The following SGCZ variants were observed in gnomAD, a reference collection of about 807,000 sequenced individuals.
The protein encoded by SGCZ is sarcoglycan zeta.
SGCZ carries 40 observed loss-of-function variants against 41.3 expected under a neutral mutation model. That is an observed-to-expected ratio of 0.97 (90% CI 0.75 to 1.26). The LOEUF is 1.26. SGCZ is among the 50% of genes most tolerant of loss of function. The pLI is 0.00. For synonymous variants in SGCZ, 206 were observed against 137.5 expected (o/e 1.50, Z -3.49); for missense variants, 552 against 369.8 (o/e 1.49, Z -4.04).
chr8:14,489,802 A>T (rs1207112904), intron 2 of SGCZ, among the ~76,000 whole-genome samples: 1 of 151,526 alleles, frequency 6.6e-6, no homozygotes, highest in African/African-American at 2.4e-5. Context: ...GCCTAATCAC[A>T]TTGACTAACC....
intron 2 of SGCZ, among the ~76,000 whole-genome samples, chr8:14,550,271 T>C (rs1482843051): frequency 2.6e-5 from 4 of 151,442 alleles, no homozygotes; most frequent in East Asian, 1.9e-4. Context: ...AAAAACAATA[T>C]AATGGTTGAA....
intron 2 of SGCZ, among the ~76,000 whole-genome samples, chr8:14,490,396 C>A (rs970225032): frequency 3.9e-5 from 6 of 152,040 alleles, no homozygotes; most frequent in African/African-American, 1.4e-4. Flanking sequence ...TATGGACTTT[C>A]TTTGAATCCC....
At chr8:14,114,711 G>C (rs59398265) in intron 5 of SGCZ, among the ~76,000 whole-genome samples, 1 of 151,724 alleles carries the variant, frequency 6.6e-6, no homozygotes, top group South Asian at 2.1e-4. Flanking sequence ...GTACATTTCA[G>C]AAATAAGTTG....
At chr8:14,694,699 C>A (rs908030686) in intron 1 of SGCZ, among the ~76,000 whole-genome samples, 1 of 152,056 alleles carries the variant, frequency 6.6e-6, no homozygotes, top group South Asian at 2.1e-4. Flanking sequence ...AAAGAAATAA[C>A]CTTACTGTCA....
intron 6 of SGCZ, among the ~76,000 whole-genome samples, chr8:14,102,810 T>A (rs1266908775): frequency 6.6e-6 from 1 of 152,142 alleles, no homozygotes; most frequent in East Asian, 1.9e-4. Flanking sequence ...TCATGAAAAG[T>A]AGGGTGTGAT....
At chr8:14,682,891 T>G (rs1049491599) in intron 1 of SGCZ, among the ~76,000 whole-genome samples, 4 of 152,184 alleles carry the variant, frequency 2.6e-5, no homozygotes, top group Non-Finnish European at 1.5e-5. Context: ...GTTTAACCTT[T>G]TGTAAATAAC....
At chr8:14,381,781 G>C (rs1179026034) in intron 2 of SGCZ, among the ~76,000 whole-genome samples, 1 of 150,728 alleles carries the variant, frequency 6.6e-6, no homozygotes, top group African/African-American at 2.4e-5. Context: ...GCAAGACCCT[G>C]TCTCAAAAAA....
At chr8:14,774,120 T>A (rs1800330485) in intron 1 of SGCZ, among the ~76,000 whole-genome samples, 1 of 152,154 alleles carries the variant, frequency 6.6e-6, no homozygotes, top group Admixed American at 6.6e-5. Context: ...TAAAGCAGAC[T>A]GCCCTCCATA....
intron 1 of SGCZ, among the ~76,000 whole-genome samples, chr8:15,219,618 G>A (rs951406662): frequency 3.3e-5 from 5 of 152,144 alleles, no homozygotes; most frequent in African/African-American, 1.2e-4. Flanking sequence ...AATAGCAGAA[G>A]TGGTCTTTGG....
At position 15,084,078 on chromosome 8, in the gene SGCZ, C is replaced by G. The variant is rs141243263; in HGVS notation, c.39+153507G>C. On this transcript the variant is annotated intron_variant, in intron 1 of 7. Coordinates refer to ENST00000382080, the MANE Select transcript of SGCZ (RefSeq NM_139167.4). ...CATGTCTTTTGAAAAATTGTAGAAA[C>G]TGATTATCTGCCTGGTTTAAAATTT... 6.6e-3 allele frequency among the ~76,000 whole-genome samples: 1,005 copies of G among 152,194 alleles called. 7 individuals carry two copies. The highest frequency in any genetic ancestry group is 9.9e-3 in the East Asian group (51 of 5,176).
At chr8:14,204,688 G>C (rs531491823) in intron 4 of SGCZ, among the ~76,000 whole-genome samples, 1 of 152,230 alleles carries the variant, frequency 6.6e-6, no homozygotes, top group Non-Finnish European at 1.5e-5. Context: ...GCGCTGGGTA[G>C]AACAAAAAGT....
intron 3 of SGCZ, among the ~76,000 whole-genome samples, chr8:14,239,248 AACACACACAC>A (rs36209114): frequency 0.45 from 67,038 of 148,928 alleles, 16,770 homozygotes; most frequent in African/African-American, 0.69. Flanking sequence ...TTCATACATG[AACACACACAC>A]ACACACACAC....
At chr8:14,759,631 T>C (rs2130349574) in intron 1 of SGCZ, among the ~76,000 whole-genome samples, 2 of 152,286 alleles carry the variant, frequency 1.3e-5, no homozygotes, top group Middle Eastern at 3.4e-3. Flanking sequence ...ACCTTTTGTA[T>C]CATACTGACA....
chr8:14,314,570 G>A (rs1006457686), intron 3 of SGCZ, among the ~76,000 whole-genome samples: 1 of 152,016 alleles, frequency 6.6e-6, no homozygotes, highest in Admixed American at 6.6e-5. Context: ...ATTAAGTAAA[G>A]TAATAAGAAT....
chr8:14,431,072 C>A (rs757441967), intron 2 of SGCZ, among the ~76,000 whole-genome samples: 1 of 152,190 alleles, frequency 6.6e-6, no homozygotes, highest in African/African-American at 2.4e-5. Context: ...ATCCCATGCT[C>A]ATGGATGAGT....
At chr8:14,582,684 G>T (rs1423221321) in intron 1 of SGCZ, among the ~76,000 whole-genome samples, 3 of 115,102 alleles carry the variant, frequency 2.6e-5, no homozygotes, top group South Asian at 2.9e-4. Flanking sequence ...ACAGTCCCCA[G>T]AGTGTGATGT....
intron 1 of SGCZ, among the ~76,000 whole-genome samples, chr8:14,680,838 G>A (rs28583952): frequency 0.2 from 30,250 of 151,406 alleles, 3,642 homozygotes; most frequent in East Asian, 0.44. Context: ...AAAATACAGT[G>A]TCTTAGATGA....
chr8:14,436,797 G>C (rs751646881), intron 2 of SGCZ, among the ~76,000 whole-genome samples: 2 of 152,190 alleles, frequency 1.3e-5, no homozygotes, highest in Non-Finnish European at 2.9e-5. Flanking sequence ...TGGTGGTTTA[G>C]AGGAAAAGCA....
chr8:14,425,509 T>C (rs1799756064), intron 2 of SGCZ, among the ~76,000 whole-genome samples: 1 of 151,948 alleles, frequency 6.6e-6, no homozygotes, highest in Non-Finnish European at 1.5e-5. Context: ...TAATCCCAGA[T>C]ACTCGGGAGG....
Sources: allele counts gnomAD v4.1 joint callset (sites outside exome capture counted in the v4.1 genomes callset), GRCh38; gene constraint gnomAD v4.1.1; transcripts MANE v1.5; gene names NCBI Gene and HGNC (gene_info 2026-07-23, HGNC 2026-07-21).